Variants in NBEA observed in about 807,000 individuals in gnomAD.
NBEA encodes the protein lysosomal-trafficking regulator 2.
In NBEA, 44 loss-of-function variants were observed where a neutral mutation model predicts 343.4. That is an observed-to-expected ratio of 0.13 (90% CI 0.10 to 0.16). The LOEUF is 0.16. Ranked by LOEUF, NBEA falls within the 10% of genes least tolerant of loss-of-function variation. The probability of loss-of-function intolerance (pLI) is 1.00; values close to 1 mark genes in which losing one functional copy is unlikely to be tolerated. For synonymous variants in NBEA, 1,175 were observed against 1,238.7 expected (o/e 0.95, Z 1.08); for missense variants, 2,555 against 3,631.3 (o/e 0.70, Z 7.62).
intron 8 of NBEA, among the ~76,000 whole-genome samples, 159 bp from the exon 9 acceptor site, chr13:35,069,749 T>C (rs971185755): frequency 7.9e-5 from 12 of 152,160 alleles, no homozygotes; most frequent in Admixed American, 2.0e-4. Context: ...TCTCATTGAA[T>C]TGAAGTGACA....
chr13:35,624,844 G>A (rs2153063350), intron 48 of NBEA, among the ~76,000 whole-genome samples: 1 of 152,130 alleles, frequency 6.6e-6, no homozygotes, highest in Admixed American at 6.5e-5. Flanking sequence ...AGGAGAGAGA[G>A]CAAAAGAAAA....
intron 41 of NBEA, chr13:35,475,117 T>C: frequency 6.2e-7 from 1 of 1,614,122 alleles, no homozygotes; most frequent in East Asian, 2.2e-5. Flanking sequence ...TCGCCACGTT[T>C]GTTTGGCAGC....
intron 38 of NBEA, among the ~76,000 whole-genome samples, chr13:35,367,785 C>T (rs1469426172): frequency 6.6e-6 from 1 of 151,250 alleles, no homozygotes; most frequent in African/African-American, 2.4e-5. Context: ...TAAAATATGC[C>T]AAATATAAAC....
intron 38 of NBEA, among the ~76,000 whole-genome samples, chr13:35,415,574 T>C (rs2043856376): frequency 6.6e-6 from 1 of 152,206 alleles, no homozygotes. Flanking sequence ...AGGGGCTCTA[T>C]TCTGTTCCAT....
chr13:35,575,437 G>C (rs1437959002), intron 45 of NBEA, among the ~76,000 whole-genome samples: 4 of 151,994 alleles, frequency 2.6e-5, no homozygotes, highest in African/African-American at 9.7e-5. Context: ...TGATTGGAAA[G>C]GTTTTGTTTG....
At chr13:34,973,319 T>C (rs1481043777) in intron 1 of NBEA, among the ~76,000 whole-genome samples, 1 of 152,164 alleles carries the variant, frequency 6.6e-6, no homozygotes, top group Admixed American at 6.5e-5. Flanking sequence ...CACACTTTCA[T>C]AGAGCAGCTG....
At chr13:35,380,833 T>C (rs966498512) in intron 38 of NBEA, among the ~76,000 whole-genome samples, 2 of 152,204 alleles carry the variant, frequency 1.3e-5, no homozygotes, top group African/African-American at 2.4e-5. Context: ...AGAATCCTTG[T>C]CTTGCTTCTA....
intron 1 of NBEA, among the ~76,000 whole-genome samples, chr13:35,020,625 T>A (rs938329224): frequency 6.6e-6 from 1 of 152,172 alleles, no homozygotes; most frequent in Non-Finnish European, 1.5e-5. Flanking sequence ...TTCAAGCAAT[T>A]CTCGTGCCTC....
chr13:34,997,696 T>G (rs1400325001), intron 1 of NBEA, among the ~76,000 whole-genome samples: 5 of 152,230 alleles, frequency 3.3e-5, no homozygotes, highest in Non-Finnish European at 1.5e-5. Context: ...TCTTTTTACC[T>G]TTTAAGATTC....
At chr13:34,959,138 T>A (rs1402453995) in intron 1 of NBEA, among the ~76,000 whole-genome samples, 1 of 152,206 alleles carries the variant, frequency 6.6e-6, no homozygotes, top group Admixed American at 6.5e-5. Context: ...TATGAAGTGC[T>A]ATGTTTATTT....
intron 38 of NBEA, among the ~76,000 whole-genome samples, chr13:35,394,581 A>G (rs954583934): frequency 3.3e-5 from 5 of 152,010 alleles, no homozygotes; most frequent in Non-Finnish European, 7.4e-5. Flanking sequence ...ACTCGCTGGA[A>G]AAAAAAATGA....
chr13:35,041,132 T>G lies in NBEA; in HGVS notation c.494T>G (p.Leu165Arg), dbSNP rs1398417748. ...TEVGLIEQVLLKMSAVDDMIA... is the reference protein window; with the variant it reads ...TEVGLIEQVLRKMSAVDDMIA... ...GTTGGGCTAATTGAACAAGTATTGC[T>G]GAAAATGAGTGCTGTAGATGACATG... The change falls in exon 2 of 59, where the codon CTG becomes CGG. Residue 165 changes from leucine (L) to arginine (R), a missense_variant. By Grantham distance (102) the Leu-to-Arg change is moderately radical (BLOSUM62 -2). Transcript: ENST00000379939. The G allele has an allele frequency of 6.2e-7, 1 of 1,612,042 alleles. No homozygotes were observed. Among genetic ancestry groups the G allele is most frequent in the Admixed American group, 1.7e-5 (1 of 59,890 alleles).
intron 30 of NBEA, among the ~76,000 whole-genome samples, chr13:35,193,977 T>C (rs1009093095): frequency 6.6e-6 from 1 of 151,966 alleles, no homozygotes; most frequent in African/African-American, 2.4e-5. Flanking sequence ...TTATTCCTAA[T>C]TTAATGTATA....
At chr13:35,502,125 C>G (rs531223327) in intron 41 of NBEA, among the ~76,000 whole-genome samples, 2 of 152,228 alleles carry the variant, frequency 1.3e-5, no homozygotes, top group South Asian at 4.1e-4. Flanking sequence ...ACAATGTAAA[C>G]TTACGACTGT....
Position 35,434,290 on chromosome 13 carries a change from C to T in NBEA, c.6304+1897C>T, listed in dbSNP as rs568319270. On this transcript the variant is annotated intron_variant, in intron 39 of 58. Transcript: ENST00000379939. ...ATGAACCTAAAGTAAAAAATAATAC[C>T]GTAATTTTGAAATAGGTAAGAGGTG... Among the ~76,000 whole-genome samples the T allele has an allele frequency of 1.1e-3, 160 of 151,646 alleles. 1 individual carries two copies. Among genetic ancestry groups the T allele is most frequent in the Middle Eastern group, 3.5e-3 (1 of 282 alleles).
chr13:35,361,264 C>T (rs1228901576), intron 38 of NBEA, among the ~76,000 whole-genome samples: 1 of 151,974 alleles, frequency 6.6e-6, no homozygotes, highest in Non-Finnish European at 1.5e-5. Flanking sequence ...TTAAAACATT[C>T]TCAATGAAGT....
At chr13:35,059,496 G>T (rs73167754) in intron 8 of NBEA, among the ~76,000 whole-genome samples, 2,456 of 151,912 alleles carry the variant, frequency 0.016, 25 homozygotes, top group Middle Eastern at 0.027. Flanking sequence ...GTATATAAGG[G>T]TTCTATTTAA....
intron 41 of NBEA, among the ~76,000 whole-genome samples, chr13:35,499,514 G>A (rs1053693613): frequency 2.0e-5 from 3 of 151,954 alleles, no homozygotes; most frequent in African/African-American, 7.2e-5. Flanking sequence ...CTGCTTTTCT[G>A]TCTCATTTTT....
intron 24 of NBEA, among the ~76,000 whole-genome samples, chr13:35,167,872 G>A (rs372319514): frequency 1.4e-4 from 21 of 151,914 alleles, no homozygotes; most frequent in Non-Finnish European, 2.5e-4. Flanking sequence ...ATTTTAAGTT[G>A]ACCACTTTAG....
Sources: gnomAD v4.1 joint callset for allele counts (sites outside exome capture counted in the v4.1 genomes callset) on GRCh38, gnomAD v4.1.1 for gene constraint, MANE v1.5 for transcripts, NCBI Gene and HGNC (gene_info 2026-07-23, HGNC 2026-07-21) for gene names.